The following HEATR1 variants were observed in gnomAD, a reference collection of about 807,000 sequenced individuals.
HEATR1 encodes HEAT repeat-containing protein 1.
HEATR1 carries 77 observed loss-of-function variants against 248.2 expected under a neutral mutation model. The observed-to-expected ratio is 0.31, with a 90% CI of 0.26 to 0.37. The LOEUF (loss-of-function observed/expected upper bound fraction) is 0.37. HEATR1 is among the 10% of genes least tolerant of loss of function. HEATR1 has a pLI of 1.00. For synonymous variants in HEATR1, 897 were observed against 923.1 expected, an observed-to-expected ratio of 0.97 and a Z score of 0.51; for missense variants, 2,420 against 2,504.9, an observed-to-expected ratio of 0.97 and a Z score of 0.72.
At position 236,571,382 on chromosome 1, in the gene HEATR1, A is replaced by G. The variant is rs368783856; in HGVS notation, c.3917T>C (p.Leu1306Ser). 4 of 1,604,894 alleles carry G rather than the reference A, an allele frequency of 2.5e-6. No individual in the cohort carries two copies. Among genetic ancestry groups the G allele is most frequent in the Non-Finnish European group, 2.5e-6 (3 of 1,177,988 alleles). The change falls in exon 28 of 45, where the codon TTA becomes TCA. Residue 1306 changes from leucine (L) to serine (S), a missense_variant. Coordinates refer to ENST00000366582, the MANE Select transcript of HEATR1 (RefSeq NM_018072.6). ...EMPQTHHHALLLLGTVAGIFP... is the reference protein window; with the variant it reads ...EMPQTHHHALSLLGTVAGIFP... ...TATTCCAGCAACAGTGCCCAAAAGT[A>G]AAAGGGCATGGTGATGGGTCTGCGG...
At chr1:236,603,809 T>A in intron 2 of HEATR1, 145 bp downstream of exon 2, 1 of 881,592 alleles carries the variant, frequency 1.1e-6, no homozygotes, top group Non-Finnish European at 1.7e-6. Context: ...TTATGTTCTC[T>A]TTCCCTTAAA....
At chr1:236,595,462 G>A in intron 8 of HEATR1, 78 bp downstream of exon 8, 1 of 1,115,948 alleles carries the variant, frequency 9.0e-7, no homozygotes, top group Non-Finnish European at 1.3e-6. Context: ...ATATTTTGAA[G>A]CTGTTAACCA....
chr1:236,596,234 G>C (rs1340778689), intron 6 of HEATR1, among the ~76,000 whole-genome samples, 190 bp from the exon 7 acceptor site: 1 of 152,184 alleles, frequency 6.6e-6, no homozygotes, highest in African/African-American at 2.4e-5. Context: ...AGACAAGTCT[G>C]TTGAACGAGA....
chr1:236,566,908 G>C (rs762885677), intron 29 of HEATR1, 32 bp from the exon 30 acceptor site: 2 of 1,433,372 alleles, frequency 1.4e-6, no homozygotes, highest in Non-Finnish European at 2.0e-6. Context: ...CAATGAGTAG[G>C]TGCAAGTAAT....
intron 20 of HEATR1, among the ~76,000 whole-genome samples, chr1:236,578,286 C>G (rs114384892): frequency 0.03 from 4,509 of 152,284 alleles, 129 homozygotes; most frequent in Admixed American, 0.093. Context: ...TCCACATAAC[C>G]ATCTCACAGA....
intron 11 of HEATR1, among the ~76,000 whole-genome samples, chr1:236,591,374 A>G (rs1166040109): frequency 6.6e-6 from 1 of 152,184 alleles, no homozygotes; most frequent in African/African-American, 2.4e-5. Flanking sequence ...ATTAGACTAA[A>G]AAGAAAGTCT....
intron 11 of HEATR1, among the ~76,000 whole-genome samples, chr1:236,591,696 C>T (rs1260813359): frequency 6.6e-6 from 1 of 152,014 alleles, no homozygotes; most frequent in Non-Finnish European, 1.5e-5. Context: ...ATGCTAGAAA[C>T]CTACATGAGG....
chr1:236,604,108 C>A lies in HEATR1; in HGVS notation c.-13G>T. 1.3e-6 allele frequency: 2 copies of A among 1,547,746 alleles called. No homozygotes were observed. The highest frequency in any genetic ancestry group is 8.7e-7 in the Non-Finnish European group (1 of 1,155,066). On this transcript the variant is annotated 5_prime_UTR_variant, in exon 2 of 45. Transcript: ENST00000366582. ...CTAAGGACGTCATCTTTCACGCCAG[C>A]GGAGTTTTAATGACACGGGCTAAAA...
intron 2 of HEATR1, 67 bp from the exon 3 acceptor site, chr1:236,603,443 TAC>T (rs1344988209): frequency 7.8e-7 from 1 of 1,275,128 alleles, no homozygotes; most frequent in African/African-American, 1.5e-5. Context: ...ACCCCTCTTT[TAC>T]AGTTTTACTT....
chr1:236,563,844 A>G (rs2799435), intron 32 of HEATR1, among the ~76,000 whole-genome samples: 97,998 of 152,092 alleles, frequency 0.64, 32,460 homozygotes, highest in Non-Finnish European at 0.72. Flanking sequence ...GCTGGGCATG[A>G]TGGCTCATGC....
chr1:236,597,162 C>T (rs1272624303), intron 5 of HEATR1, among the ~76,000 whole-genome samples, 186 bp from the exon 6 acceptor site: 4 of 150,362 alleles, frequency 2.7e-5, no homozygotes, highest in South Asian at 2.1e-4. Context: ...TAAATATTTA[C>T]AGCTCTCCTG....
chr1:236,604,057 G>C lies in HEATR1; in HGVS notation c.39C>G (p.Leu13=). 2 of 1,585,390 alleles carry C rather than the reference G, an allele frequency of 1.3e-6. No individual in the cohort carries two copies. The highest frequency in any genetic ancestry group is 1.4e-5 in the African/African-American group (1 of 72,972). ...ATAAGAGGCTGGCATCACTTTGAGG[G>C]AGGGCGAGTCGTTGCAGCTGCTGGG... ...SLAQQLQRLA[L]PQSDASLLSR... Residue 13 remains leucine (L), a synonymous_variant, in exon 2 of 45, where the codon CTC becomes CTG. Coordinates refer to ENST00000366582, the MANE Select transcript of HEATR1 (RefSeq NM_018072.6).
chr1:236,599,299 C>T (rs1348462361), intron 4 of HEATR1, among the ~76,000 whole-genome samples, 184 bp downstream of exon 4: 1 of 152,082 alleles, frequency 6.6e-6, no homozygotes, highest in Non-Finnish European at 1.5e-5. Flanking sequence ...AGCCTGATGT[C>T]AGATACTAAA....
intron 29 of HEATR1, among the ~76,000 whole-genome samples, chr1:236,568,615 A>G (rs950733076): frequency 3.3e-5 from 5 of 152,170 alleles, no homozygotes; most frequent in African/African-American, 1.2e-4. Flanking sequence ...TGTAGCTCTA[A>G]AAGTTCCTAG....
In HEATR1 at chr1:236,550,945, T is replaced by A; in HGVS notation, c.6392A>T (p.Gln2131Leu). 6.2e-7 allele frequency: 1 copy of A among 1,610,202 alleles called. No homozygotes were observed. Among genetic ancestry groups the A allele is most frequent in the East Asian group, 2.2e-5 (1 of 44,820 alleles). Residue 2131 changes from glutamine to leucine, a missense_variant, in exon 45 of 45, where the codon CAA becomes CTA. Gln to Leu is a moderately radical substitution (Grantham distance 113, BLOSUM62 -2). Coordinates refer to ENST00000366582, the MANE Select transcript of HEATR1 (RefSeq NM_018072.6). ...TGGCTCTCCCAGGACAGTTTCCAGTTGCTGAATAGTCTTTTGGCACTGATG... is the reference window on the plus strand; with the variant it reads ...TGGCTCTCCCAGGACAGTTTCCAGTAGCTGAATAGTCTTTTGGCACTGATG... ...VEHQCQKTIQ[Q>L]LETVLGEPLQ...
intron 15 of HEATR1, 104 bp from the exon 16 acceptor site, chr1:236,586,045 T>A: frequency 7.0e-7 from 1 of 1,422,368 alleles, no homozygotes; most frequent in South Asian, 1.2e-5. Flanking sequence ...GAAGGTTTGC[T>A]TTCTATTTTT....
intron 3 of HEATR1, 38 bp downstream of exon 3, chr1:236,603,122 G>T: frequency 6.7e-7 from 1 of 1,502,338 alleles, no homozygotes; most frequent in Non-Finnish European, 9.3e-7. Flanking sequence ...AGACCAAAGT[G>T]ATTAACCCAT....
At chr1:236,579,215 A>T (rs1027018717) in intron 20 of HEATR1, among the ~76,000 whole-genome samples, 1 of 150,690 alleles carries the variant, frequency 6.6e-6, no homozygotes, top group Non-Finnish European at 1.5e-5. Flanking sequence ...GCAGGCATAC[A>T]ACTGTTTATT....
chr1:236,550,975 A>G lies in HEATR1; in HGVS notation c.6362T>C (p.Val2121Ala). 6.7e-7 allele frequency: 1 copy of G among 1,494,862 alleles called. No homozygotes were observed. The highest frequency in any genetic ancestry group is 1.4e-5 in the African/African-American group (1 of 70,482). The allele number at this position is 1,494,862 out of a possible 1,614,324, so 92.6% of individuals were successfully genotyped here. A position where few individuals can be genotyped will look rare whatever the true frequency, so the allele number is the denominator to read the frequency against. The stretch of plus-strand genomic sequence containing the variant: ...AATAGTCTTTTGGCACTGATGTTCT[A>G]CTTCTTCACATTCATCTAAAAAAAA... ...AELMEDECEE[V>A]EHQCQKTIQQ... Residue 2121 changes from valine to alanine, a missense_variant, in exon 45 of 45, where the codon GTA becomes GCA. By Grantham distance (64) the Val-to-Ala change is moderately conservative (BLOSUM62 0). Coordinates refer to ENST00000366582, the MANE Select transcript of HEATR1 (RefSeq NM_018072.6).
Sources: allele counts gnomAD v4.1 joint callset (sites outside exome capture counted in the v4.1 genomes callset), GRCh38; gene constraint gnomAD v4.1.1; transcripts MANE v1.5; gene names NCBI Gene and HGNC (gene_info 2026-07-23, HGNC 2026-07-21).